The following XKRX variants were observed in gnomAD, a reference collection of about 807,000 sequenced individuals.
XKRX encodes XK-related protein 2.
Under a neutral mutation model 22.4 loss-of-function variants are expected in XKRX, and 11 were observed. The observed-to-expected ratio is 0.49, with a 90% CI of 0.31 to 0.81. The LOEUF (loss-of-function observed/expected upper bound fraction) is 0.81. Ranked by LOEUF, XKRX falls within the 40% of genes least tolerant of loss-of-function variation. The pLI is 0.05. For missense variants in XKRX, 320 were observed against 336.5 expected (o/e 0.95, Z 0.38); for synonymous variants, 114 against 132.2 (o/e 0.86, Z 0.94).
At chrX:100,888,310 ATCTTC>A in the XKRX span, 3 of 702,979 alleles carry the variant, frequency 4.3e-6, no homozygotes, top group Non-Finnish European at 6.7e-6. Flanking sequence ...ATCTTTGATA[ATCTTC>A]TCTTGAGACA....
At chrX:100,891,301 A>C in the XKRX span, among the ~76,000 whole-genome samples, 4 of 111,304 alleles carry the variant, frequency 3.6e-5, no homozygotes, top group Non-Finnish European at 7.5e-5. Flanking sequence ...TCCCTATCAA[A>C]ATTCCAAGGA....
chrX:100,892,856 G>T, the XKRX span, among the ~76,000 whole-genome samples: 1 of 112,445 alleles, frequency 8.9e-6, no homozygotes, highest in East Asian at 2.8e-4. Flanking sequence ...AAATCAATAC[G>T]TTGAAGGCAT....
At chrX:100,915,384 T>C (rs1163319995) in intron 2 of XKRX, among the ~76,000 whole-genome samples, 1 of 109,975 alleles carries the variant, frequency 9.1e-6, no homozygotes, top group Non-Finnish European at 1.9e-5. Context: ...AGAATGGCTA[T>C]TATTAAAAAA....
chrX:100,953,184 A>G, the XKRX span, among the ~76,000 whole-genome samples: 1 of 111,611 alleles, frequency 9.0e-6, no homozygotes, highest in African/African-American at 3.3e-5. Context: ...GCTACTCTGG[A>G]GGCTGAGGTC....
At chrX:100,893,528 C>A in the XKRX span, among the ~76,000 whole-genome samples, 1 of 112,192 alleles carries the variant, frequency 8.9e-6, no homozygotes, top group Non-Finnish European at 1.9e-5. Flanking sequence ...TTTGTCACAG[C>A]ATTATGTGCA....
chrX:100,904,365 G>A, the XKRX span, among the ~76,000 whole-genome samples: 1 of 111,726 alleles, frequency 9.0e-6, no homozygotes, highest in Admixed American at 9.5e-5. Flanking sequence ...ATGGATCAGA[G>A]ACTTAAATGT....
the XKRX span, among the ~76,000 whole-genome samples, chrX:100,893,885 T>G: frequency 3.6e-5 from 4 of 112,266 alleles, no homozygotes; most frequent in Non-Finnish European, 7.5e-5. Flanking sequence ...TTTGGTGATG[T>G]GTACACTAGA....
rs1279382755 is a variant in XKRX, at chrX:100,925,454, G to C, written c.336-2393C>G. Reference sequence around the variant, plus strand: ...TGAGTTTTTATCTTTTCTCTGCTGTGGGCTAAGCTGCCTGAGGTTATAAAT... The same window carrying C: ...TGAGTTTTTATCTTTTCTCTGCTGTCGGCTAAGCTGCCTGAGGTTATAAAT... On this transcript the variant is annotated intron_variant, in intron 1 of 2. Transcript: ENST00000372956. Among the ~76,000 whole-genome samples the C allele has an allele frequency of 5.4e-5, 6 of 111,374 alleles. No homozygotes were observed. The East Asian group carries it at 1.7e-3, about 31-fold the overall frequency.
the XKRX span, among the ~76,000 whole-genome samples, chrX:100,901,656 C>A: frequency 4.7e-4 from 53 of 112,183 alleles, 1 homozygote; most frequent in South Asian, 0.02. Context: ...CTTCACCCAA[C>A]AGCAGCAGAA....
At chrX:100,923,897 C>T (rs1369955888) in intron 1 of XKRX, among the ~76,000 whole-genome samples, 10 of 99,289 alleles carry the variant, frequency 1.0e-4, no homozygotes, top group Non-Finnish European at 1.6e-4. Context: ...AGTGCACTGG[C>T]GCGATCTCAG....
At chrX:100,936,991 G>GC in the XKRX span, among the ~76,000 whole-genome samples, 4 of 99,750 alleles carry the variant, frequency 4.0e-5, no homozygotes, top group Non-Finnish European at 6.0e-5. Flanking sequence ...ACCTAACACA[G>GC]CCTTTTTTTT....
chrX:100,952,195 A>G, the XKRX span, among the ~76,000 whole-genome samples: 1 of 111,499 alleles, frequency 9.0e-6, no homozygotes, highest in African/African-American at 3.3e-5. Flanking sequence ...GGCTTAAAAA[A>G]TAAAAACCAC....
the XKRX span, among the ~76,000 whole-genome samples, chrX:100,904,334 C>T: frequency 9.0e-6 from 1 of 111,407 alleles, no homozygotes. Flanking sequence ...GACCTTACAC[C>T]CTTCAAAAAA....
the XKRX span, among the ~76,000 whole-genome samples, chrX:100,950,736 A>T: frequency 1.8e-5 from 2 of 112,654 alleles, no homozygotes; most frequent in African/African-American, 6.5e-5. Context: ...TTAATAACTA[A>T]AAGACAATGG....
chrX:100,892,582 A>G, the XKRX span, among the ~76,000 whole-genome samples: 1 of 113,015 alleles, frequency 8.8e-6, no homozygotes, highest in Non-Finnish European at 1.9e-5. Context: ...AATAATGTCC[A>G]CCATCGCTAA....
chrX:100,939,783 T>A, the XKRX span, among the ~76,000 whole-genome samples: 1 of 112,064 alleles, frequency 8.9e-6, no homozygotes, highest in Non-Finnish European at 1.9e-5. Context: ...GAAATAAATA[T>A]CACAAATAGC....
upstream of XKRX, among the ~76,000 whole-genome samples, chrX:100,933,207 G>A (rs930056854): frequency 1.8e-5 from 2 of 109,449 alleles, no homozygotes; most frequent in Non-Finnish European, 3.8e-5. Context: ...AAAGCCAGGC[G>A]CAGTGGTTCA....
In XKRX at chrX:100,928,247, C is replaced by T; in HGVS notation, c.58G>A (p.Glu20Lys). The change falls in exon 1 of 3, where the codon GAG becomes AAG. Residue 20 changes from glutamate to lysine, a missense_variant. Transcript: ENST00000372956. ...EPNVDPVSSL[E>K]EDVIRGANPR... ...TTGGCTCCACGGATGACATCTTCCT[C>T]CAGAGATGAAACCGGATCCACATTT... is the stretch of plus-strand genomic sequence containing the variant. The T allele has an allele frequency of 2.5e-6, 3 of 1,211,665 alleles. No homozygotes were observed. The highest frequency in any genetic ancestry group is 3.3e-6 in the Non-Finnish European group (3 of 895,540).
the XKRX span, among the ~76,000 whole-genome samples, chrX:100,898,550 C>G: frequency 9.3e-6 from 1 of 107,378 alleles, no homozygotes; most frequent in Non-Finnish European, 1.9e-5. Flanking sequence ...AAAGGAGATA[C>G]CGAGGGGAAT....
Sources: gnomAD v4.1 joint callset for allele counts (sites outside exome capture counted in the v4.1 genomes callset) on GRCh38, gnomAD v4.1.1 for gene constraint, MANE v1.5 for transcripts, NCBI Gene and HGNC (gene_info 2026-07-23, HGNC 2026-07-21) for gene names.